Variants in SNX18 observed in about 807,000 individuals in gnomAD.
The protein encoded by SNX18 is sorting nexin 18.
SNX18 carries 35 observed loss-of-function variants against 48.7 expected under a neutral mutation model. The ratio of observed to expected loss-of-function variants is 0.72; its 90% CI spans 0.55 to 0.95. The LOEUF (loss-of-function observed/expected upper bound fraction) is 0.95. SNX18 is among the 40% of genes least tolerant of loss of function. SNX18 has a pLI of 0.00. For synonymous variants in SNX18, 492 were observed against 384.7 expected, an observed-to-expected ratio of 1.28 and a Z score of -3.26; for missense variants, 824 against 871.0, an observed-to-expected ratio of 0.95 and a Z score of 0.68.
At chr5:54,630,651 T>G in the SNX18 span, among the ~76,000 whole-genome samples, 1 of 151,946 alleles carries the variant, frequency 6.6e-6, no homozygotes, top group Admixed American at 6.6e-5. Context: ...CTGGCCAACA[T>G]GGTGAAACCC....
At chr5:54,642,682 A>T in the SNX18 span, among the ~76,000 whole-genome samples, 2 of 152,250 alleles carry the variant, frequency 1.3e-5, no homozygotes, top group Non-Finnish European at 2.9e-5. Flanking sequence ...TTAGTATAAT[A>T]TCTAGCGTCT....
the SNX18 span, among the ~76,000 whole-genome samples, chr5:54,641,674 A>G: frequency 6.6e-6 from 1 of 152,222 alleles, no homozygotes; most frequent in African/African-American, 2.4e-5. Flanking sequence ...TTATCCCTTG[A>G]GAAGAATTAT....
intron 1 of SNX18, among the ~76,000 whole-genome samples, chr5:54,533,134 C>T (rs889727046): frequency 6.6e-6 from 1 of 152,064 alleles, no homozygotes; most frequent in Non-Finnish European, 1.5e-5. Flanking sequence ...GTTGACTATG[C>T]TTGTCTTGAT....
At chr5:54,610,949 T>C in the SNX18 span, among the ~76,000 whole-genome samples, 388 of 152,350 alleles carry the variant, frequency 2.5e-3, 1 homozygote, top group African/African-American at 8.8e-3. Flanking sequence ...AATCATCTAT[T>C]GGCTACGTTT....
chr5:54,604,890 G>A, the SNX18 span, among the ~76,000 whole-genome samples: 2 of 152,146 alleles, frequency 1.3e-5, no homozygotes, highest in African/African-American at 4.8e-5. Flanking sequence ...TCTGAGGAGT[G>A]TCATCCACGC....
the SNX18 span, among the ~76,000 whole-genome samples, chr5:54,581,854 T>C: frequency 2.6e-5 from 4 of 152,182 alleles, no homozygotes; most frequent in Non-Finnish European, 4.4e-5. Flanking sequence ...CATCTGATTG[T>C]CAATGCCAGT....
chr5:54,530,050 G>C (rs1187382497), intron 1 of SNX18, among the ~76,000 whole-genome samples: 3 of 152,130 alleles, frequency 2.0e-5, no homozygotes, highest in African/African-American at 2.4e-5. Context: ...TGCCTCTCCA[G>C]CTTCTGGTGG....
At chr5:54,523,587 C>G (rs1762072390) in intron 1 of SNX18, among the ~76,000 whole-genome samples, 2 of 152,082 alleles carry the variant, frequency 1.3e-5, no homozygotes, top group Admixed American at 1.3e-4. Flanking sequence ...AGCAGGGAGG[C>G]AGGACTAGAT....
At chr5:54,627,193 C>T in the SNX18 span, among the ~76,000 whole-genome samples, 1 of 152,142 alleles carries the variant, frequency 6.6e-6, no homozygotes, top group Non-Finnish European at 1.5e-5. Flanking sequence ...CTGATTTTAA[C>T]AATGAGGGAC....
In SNX18 at chr5:54,529,972, G is replaced by A. The variant is rs139483146; in HGVS notation, c.1621+10399G>A. Among the ~76,000 whole-genome samples, 615 of 152,278 alleles carry A rather than the reference G, an allele frequency of 4.0e-3. 6 individuals are homozygous for A. Among genetic ancestry groups the A allele is most frequent in the African/African-American group, 0.013 (551 of 41,548 alleles). Reference sequence around the variant, plus strand: ...TGGGTTCTCTTAGAGTTCTAGAGACGAGAAGTCTGGAAGGACAGTGTGGCA... The same window carrying A: ...TGGGTTCTCTTAGAGTTCTAGAGACAAGAAGTCTGGAAGGACAGTGTGGCA... On this transcript the variant is annotated intron_variant, in intron 1 of 1. Transcript: ENST00000381410.
chr5:54,626,970 G>A, the SNX18 span, among the ~76,000 whole-genome samples: 1 of 152,196 alleles, frequency 6.6e-6, no homozygotes, highest in South Asian at 2.1e-4. Flanking sequence ...CTTGGAAGAT[G>A]GCACAACAGA....
the SNX18 span, among the ~76,000 whole-genome samples, chr5:54,597,702 G>T: frequency 6.6e-6 from 1 of 152,002 alleles, no homozygotes; most frequent in Non-Finnish European, 1.5e-5. Flanking sequence ...TGAAAACAAA[G>T]AAAACGTACC....
At chr5:54,538,257 A>G (rs190640529) in intron 1 of SNX18, among the ~76,000 whole-genome samples, 5 of 152,348 alleles carry the variant, frequency 3.3e-5, no homozygotes, top group Admixed American at 3.3e-4. Context: ...TATTGTTTCT[A>G]TTGGAAAAAT....
At chr5:54,599,666 C>G in the SNX18 span, among the ~76,000 whole-genome samples, 1 of 152,100 alleles carries the variant, frequency 6.6e-6, no homozygotes, top group African/African-American at 2.4e-5. Flanking sequence ...GAATAGAGAA[C>G]TCAGAAATAA....
intron 1 of SNX18, among the ~76,000 whole-genome samples, chr5:54,526,334 C>T (rs937430815): frequency 2.6e-5 from 4 of 152,082 alleles, no homozygotes; most frequent in African/African-American, 9.7e-5. Context: ...TCTTGAACTC[C>T]TGACCTCAAG....
At chr5:54,523,177 A>T (rs531577589) in intron 1 of SNX18, among the ~76,000 whole-genome samples, 13 of 151,564 alleles carry the variant, frequency 8.6e-5, no homozygotes, top group Admixed American at 4.6e-4. Context: ...TTTTTTTCTT[A>T]AGTGATAGCA....
the SNX18 span, among the ~76,000 whole-genome samples, chr5:54,588,096 T>C: frequency 6.6e-6 from 1 of 152,120 alleles, no homozygotes; most frequent in Non-Finnish European, 1.5e-5. Context: ...CTGACACCAG[T>C]ACTCAGTGGC....
chr5:54,594,169 A>G, the SNX18 span, among the ~76,000 whole-genome samples: 6,213 of 152,352 alleles, frequency 0.041, 425 homozygotes, highest in African/African-American at 0.14. Context: ...TGCCAAATGC[A>G]AAAGATTACA....
the SNX18 span, among the ~76,000 whole-genome samples, chr5:54,621,836 C>A: frequency 3.3e-5 from 5 of 152,286 alleles, no homozygotes; most frequent in South Asian, 4.1e-4. Flanking sequence ...AATAAAACGC[C>A]CTGAATATGT....
Sources: gnomAD v4.1 joint callset for allele counts (sites outside exome capture counted in the v4.1 genomes callset) on GRCh38, gnomAD v4.1.1 for gene constraint, MANE v1.5 for transcripts, NCBI Gene and HGNC (gene_info 2026-07-23, HGNC 2026-07-21) for gene names.